Variants in NISCH observed in about 807,000 individuals in gnomAD.
NISCH encodes the protein I-1 receptor candidate protein.
A neutral mutation model predicts 138.4 loss-of-function variants in NISCH; 55 were observed. The observed-to-expected ratio is 0.40, with a 90% confidence interval of 0.32 to 0.50. The LOEUF (loss-of-function observed/expected upper bound fraction) is 0.50, where lower values mean the gene tolerates loss of function less well. Ranked by LOEUF, NISCH falls within the 20% of genes least tolerant of loss-of-function variation. The probability of loss-of-function intolerance (pLI) is 0.71; values close to 1 mark genes in which losing one functional copy is unlikely to be tolerated. For missense variants in NISCH, 1,643 were observed against 2,005.5 expected (o/e 0.82, Z 3.45); for synonymous variants, 860 against 861.5 (o/e 1.00, Z 0.03).
intron 14 of NISCH, among the ~76,000 whole-genome samples, 171 bp from the exon 15 acceptor site, chr3:52,485,607 C>T (rs781749136): frequency 3.3e-5 from 5 of 152,046 alleles, no homozygotes; most frequent in Non-Finnish European, 5.9e-5. Context: ...CCCTTGGGTC[C>T]CAGAGTGGGC....
At chr3:52,489,279 C>T (rs1276350631) in intron 16 of NISCH, 57 bp from the exon 17 acceptor site, 47 of 1,561,762 alleles carry the variant, frequency 3.0e-5, no homozygotes, top group African/African-American at 2.7e-5. Context: ...GCTGCACATG[C>T]GATGTGAATC....
In NISCH at chr3:52,476,695, A is replaced by G. The variant is rs1707107002; in HGVS notation, c.918+96A>G. The G allele has an allele frequency of 1.5e-5, 19 of 1,248,698 alleles. No homozygotes were observed. The South Asian group carries it at 2.3e-4, about 15-fold the overall frequency. 77.4% of individuals were successfully genotyped at this position (1,248,698 alleles called of 1,614,324 possible). A position where few individuals can be genotyped will look rare whatever the true frequency, so the allele number is the denominator to read the frequency against. ...AGCTTTTTTAGGAAGGACCACGGAA[A>G]ACCTATATCTAGTGCTCTGTGCATT... On this transcript the variant is annotated intron_variant, in intron 8 of 20. Transcript: ENST00000345716.
intron 3 of NISCH, among the ~76,000 whole-genome samples, chr3:52,465,624 G>A (rs1184922933): frequency 6.6e-6 from 1 of 152,186 alleles, no homozygotes; most frequent in Non-Finnish European, 1.5e-5. Context: ...CAGAACCCCT[G>A]GAACAGAGGT....
intron 14 of NISCH, among the ~76,000 whole-genome samples, chr3:52,485,164 A>G (rs1458007734): frequency 6.6e-6 from 1 of 152,190 alleles, no homozygotes; most frequent in Non-Finnish European, 1.5e-5. Flanking sequence ...GAGGAAAGAC[A>G]GGAGGAAAGC....
intron 12 of NISCH, 102 bp downstream of exon 12, chr3:52,479,964 C>A: frequency 9.8e-7 from 1 of 1,021,404 alleles, no homozygotes; most frequent in Non-Finnish European, 1.5e-6. Flanking sequence ...GCTGCCGAGT[C>A]CCAGCTGCGC....
In NISCH at chr3:52,492,376, A is replaced by T. The variant is rs765988128; in HGVS notation, c.4409A>T (p.Gln1470Leu). Residue 1470 changes from glutamine (Q) to leucine (L), a missense_variant, in exon 21 of 21, where the codon CAG becomes CTG. Gln to Leu is a moderately radical substitution (Grantham distance 113). Coordinates refer to ENST00000345716, the MANE Select transcript of NISCH (RefSeq NM_007184.4). ...AGCCAGGGCCGTGAAGTCCAGTGGC[A>T]GGTGTTTGTCCCCAGTGCTGAGAGC... Reference protein sequence around the residue: ...RASQGREVQWQVFVPSAESRE... With the variant: ...RASQGREVQWLVFVPSAESRE... The T allele has an allele frequency of 6.2e-7, 1 of 1,613,232 alleles. No homozygotes were observed. The highest frequency in any genetic ancestry group is 2.2e-5 in the East Asian group (1 of 44,886).
chr3:52,470,904 A>G lies in NISCH; in HGVS notation c.406A>G (p.Lys136Glu), dbSNP rs764869760. The change falls in exon 4 of 21, where the codon AAA becomes GAA. Residue 136 changes from lysine to glutamate, a missense_variant. Transcript: ENST00000345716. Reference protein sequence around the residue: ...TAALAEELFEKGEQLLGAGEV... With the variant: ...TAALAEELFEEGEQLLGAGEV... ...GGCACTGGCTGAAGAGCTCTTTGAG[A>G]AAGGTATGTGGCCACATGTCCCTGA... The G allele has an allele frequency of 2.6e-5, 42 of 1,614,070 alleles. No individual in the cohort carries two copies. Among genetic ancestry groups the G allele is most frequent in the Non-Finnish European group, 3.6e-5 (42 of 1,179,968 alleles).
At chr3:52,473,670 G>A (rs555953549) in intron 6 of NISCH, 64 bp from the exon 7 acceptor site, 41 of 1,186,936 alleles carry the variant, frequency 3.5e-5, no homozygotes, top group Admixed American at 9.1e-5. Flanking sequence ...GGAAACACCT[G>A]CATCTGGGGA....
chr3:52,490,749 C>T lies in NISCH; in HGVS notation c.3658C>T (p.His1220Tyr). The T allele has an allele frequency of 1.2e-6, 2 of 1,614,186 alleles. No individual in the cohort carries two copies. Among genetic ancestry groups the T allele is most frequent in the East Asian group, 2.2e-5 (1 of 44,882 alleles). ...CACCGACTACAACAACAGCCCTTTCCACATCTCCCAGTGCTTCGTGCTAAA... is the reference window on the plus strand; with the variant it reads ...CACCGACTACAACAACAGCCCTTTCTACATCTCCCAGTGCTTCGTGCTAAA... The part of the protein sequence containing the change: ...KNTDYNNSPF[H>Y]ISQCFVLKLS... Residue 1220 changes from histidine to tyrosine, a missense_variant, in exon 19 of 21, where the codon CAC becomes TAC. Physicochemically the swap from His to Tyr is moderately conservative, Grantham distance 83. Coordinates refer to ENST00000345716, the MANE Select transcript of NISCH (RefSeq NM_007184.4).
At chr3:52,463,556 C>T (rs72965274) in intron 3 of NISCH, among the ~76,000 whole-genome samples, 3,768 of 152,190 alleles carry the variant, frequency 0.025, 159 homozygotes, top group African/African-American at 0.087. Flanking sequence ...CACCATTTGA[C>T]GTTTCCATCG....
Position 52,487,304 on chromosome 3 carries a change from G to A in NISCH, c.1812G>A (p.Gln604=). The A allele has an allele frequency of 6.2e-7, 1 of 1,614,196 alleles. No homozygotes were observed. Among genetic ancestry groups the A allele is most frequent in the Non-Finnish European group, 8.5e-7 (1 of 1,180,046 alleles). ...GYTATNQDFI[Q]RLSTLIRQAI... is the part of the protein sequence containing the mutation. ...CGGCCACCAATCAGGACTTCATCCA[G>A]CGCCTGAGCACACTGATCCGGCAGG... is the stretch of plus-strand genomic sequence containing the variant. The change falls in exon 16 of 21, where the codon CAG becomes CAA. Residue 604 remains glutamine (Q), a synonymous_variant. Coordinates refer to ENST00000345716, the MANE Select transcript of NISCH (RefSeq NM_007184.4). This position sits in a 1 kb window ranked among gnomAD's most constrained non-coding sequence, Gnocchi z 9.1.
intron 3 of NISCH, among the ~76,000 whole-genome samples, chr3:52,462,681 G>C (rs552966451): frequency 9.2e-5 from 14 of 152,156 alleles, no homozygotes; most frequent in Non-Finnish European, 1.8e-4. Flanking sequence ...TACTGGCCAG[G>C]CTGGAGTGCA....
intron 20 of NISCH, 172 bp from the exon 21 acceptor site, chr3:52,491,700 C>T (rs1707569483): frequency 9.4e-7 from 1 of 1,062,936 alleles, no homozygotes; most frequent in Non-Finnish European, 1.3e-6. Flanking sequence ...AACCATCTGG[C>T]AGACACATCT....
At chr3:52,491,770 C>A in intron 20 of NISCH, 102 bp from the exon 21 acceptor site, 1 of 1,414,834 alleles carries the variant, frequency 7.1e-7, no homozygotes, top group Non-Finnish European at 9.6e-7. Context: ...CCTCTCCTGC[C>A]TGTCTCATGC....
chr3:52,489,231 G>A, intron 16 of NISCH, 105 bp from the exon 17 acceptor site: 5 of 1,374,668 alleles, frequency 3.6e-6, no homozygotes. Flanking sequence ...CAGTAACCCA[G>A]AGGTGATGTG....
At chr3:52,472,535 T>C in intron 6 of NISCH, 137 bp downstream of exon 6, 5 of 730,316 alleles carry the variant, frequency 6.8e-6, no homozygotes, top group Non-Finnish European at 1.2e-5. Flanking sequence ...TCTGCGTAGG[T>C]GACCAGGCCC....
At chr3:52,472,738 A>G (rs964557446) in intron 6 of NISCH, among the ~76,000 whole-genome samples, 3 of 152,212 alleles carry the variant, frequency 2.0e-5, no homozygotes, top group African/African-American at 7.2e-5. Context: ...GTCAGACAGA[A>G]CTAAATACAA....
chr3:52,492,492 C>T lies in NISCH; in HGVS notation c.*10C>T, dbSNP rs1398107309. Reference sequence around the variant, plus strand: ...CGAGCTCACCGGCTAGCCCAGGCCACAGCCAGCCTGTCGTGTCCAGCCTGA... The same window carrying T: ...CGAGCTCACCGGCTAGCCCAGGCCATAGCCAGCCTGTCGTGTCCAGCCTGA... On this transcript the variant is annotated 3_prime_UTR_variant, in exon 21 of 21. Coordinates refer to ENST00000345716, the MANE Select transcript of NISCH (RefSeq NM_007184.4). The T allele has an allele frequency of 1.3e-6, 2 of 1,582,490 alleles. No homozygotes were observed. Among genetic ancestry groups the T allele is most frequent in the Non-Finnish European group, 8.6e-7 (1 of 1,164,882 alleles).
At chr3:52,470,799 G>A in intron 3 of NISCH, 60 bp from the exon 4 acceptor site, 1 of 1,365,392 alleles carries the variant, frequency 7.3e-7, no homozygotes, top group Non-Finnish European at 1.0e-6. Flanking sequence ...AGCGGGGAAT[G>A]TGACCCCAGG....
Sources: allele counts gnomAD v4.1 joint callset (sites outside exome capture counted in the v4.1 genomes callset), GRCh38; gene constraint gnomAD v4.1.1; non-coding constraint Gnocchi (gnomAD v3.1); transcripts MANE v1.5; gene names NCBI Gene and HGNC (gene_info 2026-07-23, HGNC 2026-07-21).